PCDHGA11: variants seen among roughly 807,000 people sequenced by gnomAD.
The protein encoded by PCDHGA11 is protocadherin gamma-A11.
In PCDHGA11, 39 loss-of-function variants were observed where a neutral mutation model predicts 60.4. The observed-to-expected ratio is 0.65, with a 90% CI of 0.50 to 0.84. The LOEUF (loss-of-function observed/expected upper bound fraction) is 0.84. Among genes scored for constraint, PCDHGA11 ranks in the 40% least tolerant of loss-of-function variants. The pLI is 0.00. For synonymous variants in PCDHGA11, 533 were observed against 510.3 expected (o/e 1.04, Z -0.60); for missense variants, 1,165 against 1,197.7 (o/e 0.97, Z 0.40).
At chr5:141,473,033 G>GGAAA (rs1282468299) in intron 1 of PCDHGA11, among the ~76,000 whole-genome samples, 1 of 146,284 alleles carries the variant, frequency 6.8e-6, no homozygotes, top group African/African-American at 2.5e-5. Flanking sequence ...AAGGAAGGAA[G>GGAAA]GAAAGAAAGA....
rs1221295650 is a variant in PCDHGA11 at position 141,489,576 on chromosome 5, C to A, written c.2434-5231C>A. 3 of 1,613,936 alleles carry A rather than the reference C, an allele frequency of 1.9e-6. No individual in the cohort carries two copies. Among genetic ancestry groups the A allele is most frequent in the Non-Finnish European group, 2.5e-6 (3 of 1,179,984 alleles). ...TGCCAGTGCAGGTGGTGACTGAACA[C>A]CCCCTGGAGCTAATCCGTGTAGAGG... On this transcript the variant is annotated intron_variant, in intron 1 of 3. Transcript: ENST00000398587. This position sits in a 1 kb window ranked among gnomAD's most constrained non-coding sequence, Gnocchi z 4.5.
In PCDHGA11 at chr5:141,421,506, G is replaced by T; in HGVS notation, c.279G>T (p.Arg93=). The change falls in exon 1 of 4, where the codon CGG becomes CGT. Residue 93 remains arginine (R), a synonymous_variant. Coordinates refer to ENST00000398587, the MANE Select transcript of PCDHGA11 (RefSeq NM_018914.3). ...GSLITAGRID[R]EELCETVSSC... ...TGATCACGGCAGGCAGGATAGACCG[G>T]GAGGAGCTCTGTGAGACGGTGTCCT... The T allele has an allele frequency of 6.2e-7, 1 of 1,614,076 alleles. No homozygotes were observed. Among genetic ancestry groups the T allele is most frequent in the Non-Finnish European group, 8.5e-7 (1 of 1,179,910 alleles).
intron 1 of PCDHGA11, chr5:141,441,809 C>A: frequency 2.7e-6 from 1 of 373,176 alleles, no homozygotes; most frequent in East Asian, 9.0e-5. Context: ...GGGTGCTGTA[C>A]CCCAGCTCTG....
chr5:141,496,126 C>T (rs934132550), intron 2 of PCDHGA11, among the ~76,000 whole-genome samples: 2 of 152,062 alleles, frequency 1.3e-5, no homozygotes, highest in African/African-American at 4.8e-5. Context: ...CCCTGCCCCT[C>T]ACACACTGAG....
chr5:141,462,423 G>A (rs1367388191), intron 1 of PCDHGA11, among the ~76,000 whole-genome samples: 1 of 151,820 alleles, frequency 6.6e-6, no homozygotes, highest in East Asian at 1.9e-4. Context: ...GTCTATCTTG[G>A]TGAGTGTTGC....
At chr5:141,499,686 T>C (rs1400567357) in intron 2 of PCDHGA11, among the ~76,000 whole-genome samples, 2 of 149,346 alleles carry the variant, frequency 1.3e-5, no homozygotes, top group East Asian at 2.0e-4. Context: ...CTTTAACAGA[T>C]GACTTTTTTT....
At chr5:141,455,159 G>GT (rs1390145608) in intron 1 of PCDHGA11, among the ~76,000 whole-genome samples, 2,419 of 144,948 alleles carry the variant, frequency 0.017, 50 homozygotes, top group African/African-American at 0.056. Context: ...TTAGTTTGTT[G>GT]GTTTTTTTTT....
In PCDHGA11 at chr5:141,511,540, C is replaced by CTA; in HGVS notation, c.*367_*368insTA. ...ATCCCATGCCTCCCTCCTCCCCACC[C>CTA]CACTCCAACAGTTCCTCTTTCCCGA... On this transcript the variant is annotated 3_prime_UTR_variant, in exon 4 of 4. Transcript: ENST00000398587. 3.0e-6 allele frequency: 1 copy of CTA among 328,024 alleles called. No individual in the cohort carries two copies. Among genetic ancestry groups the CTA allele is most frequent in the South Asian group, 3.2e-5 (1 of 31,610 alleles). 20.3% of individuals were successfully genotyped at this position (328,024 alleles called of 1,614,324 possible). A position where few individuals can be genotyped will look rare whatever the true frequency, so the allele number is the denominator to read the frequency against.
At chr5:141,453,351 C>A (rs1210851703) in intron 1 of PCDHGA11, among the ~76,000 whole-genome samples, 2 of 151,738 alleles carry the variant, frequency 1.3e-5, no homozygotes, top group Non-Finnish European at 2.9e-5. Flanking sequence ...CCAGGCTGAC[C>A]CTGAACTCCT....
chr5:141,491,571 C>G lies in PCDHGA11; in HGVS notation c.2434-3236C>G. The G allele has an allele frequency of 6.2e-7, 1 of 1,614,026 alleles. No individual in the cohort carries two copies. The highest frequency in any genetic ancestry group is 8.5e-7 in the Non-Finnish European group (1 of 1,180,042). ...CGCAGAGCCACTGCTACAGGACGTG[C>G]TTTTCACCGGCCTCGGACGGCAGTG... On this transcript the variant is annotated intron_variant, in intron 1 of 3. Transcript: ENST00000398587. This position sits in a 1 kb window ranked among gnomAD's most constrained non-coding sequence, Gnocchi z 6.9.
Position 141,491,045 on chromosome 5 carries a change from A to G in PCDHGA11, c.2434-3762A>G, listed in dbSNP as rs1452139285. 2 of 1,613,970 alleles carry G rather than the reference A, an allele frequency of 1.2e-6. No individual in the cohort carries two copies. The highest frequency in any genetic ancestry group is 1.1e-5 in the South Asian group (1 of 91,090). On this transcript the variant is annotated intron_variant, in intron 1 of 3. Coordinates refer to ENST00000398587, the MANE Select transcript of PCDHGA11 (RefSeq NM_018914.3). This position sits in a 1 kb window ranked among gnomAD's most constrained non-coding sequence, Gnocchi z 6.9. ...GCCGTGGATGCTGATGCAGGCCACA[A>G]TGCGTGGCTCTCCTACTCACTGTTG...
chr5:141,446,692 G>T (rs543476108), intron 1 of PCDHGA11, among the ~76,000 whole-genome samples: 2 of 152,280 alleles, frequency 1.3e-5, no homozygotes, highest in African/African-American at 4.8e-5. Context: ...TGGCCAGGCT[G>T]GTCTCGAACT....
chr5:141,460,950 T>C (rs1458616371), intron 1 of PCDHGA11, among the ~76,000 whole-genome samples: 1 of 135,948 alleles, frequency 7.4e-6, no homozygotes, highest in East Asian at 2.0e-4. Flanking sequence ...ATATGTATTA[T>C]GTATATATAT....
At chr5:141,446,604 G>C (rs1226194089) in intron 1 of PCDHGA11, among the ~76,000 whole-genome samples, 1 of 152,134 alleles carries the variant, frequency 6.6e-6, no homozygotes, top group Non-Finnish European at 1.5e-5. Flanking sequence ...AGCCTCCTGA[G>C]TAGCTGGGAC....
intron 3 of PCDHGA11, among the ~76,000 whole-genome samples, chr5:141,508,837 A>C (rs1596180024): frequency 6.7e-6 from 1 of 149,276 alleles, no homozygotes; most frequent in Non-Finnish European, 1.5e-5. Context: ...CCCCTCCCCT[A>C]CCCCTTCCAT....
rs35224477 is a variant in PCDHGA11, at chr5:141,464,263, TA to T, written c.2434-30530del. On this transcript the variant is annotated intron_variant, in intron 1 of 3. Coordinates refer to ENST00000398587, the MANE Select transcript of PCDHGA11 (RefSeq NM_018914.3). ...CTGGGCTACAGAGCGAGACTCCGTC[TA>T]AAAAAAAAAAAAAGCAAAAAAAAAA... Among the ~76,000 whole-genome samples, 390 of 103,506 alleles carry T rather than the reference TA, an allele frequency of 3.8e-3. 1 individual carries two copies. Among genetic ancestry groups the T allele is most frequent in the Admixed American group, 4.7e-3 (45 of 9,486 alleles). 67.9% of individuals were successfully genotyped at this position (103,506 alleles called of 152,430 possible). A position where few individuals can be genotyped will look rare whatever the true frequency, so the allele number is the denominator to read the frequency against.
chr5:141,496,888 T>TAAA (rs35063790), intron 2 of PCDHGA11, among the ~76,000 whole-genome samples: 5 of 134,118 alleles, frequency 3.7e-5, no homozygotes, highest in East Asian at 4.4e-4. Context: ...AAGTAACACT[T>TAAA]AAAAAAAAAA....
Position 141,511,380 on chromosome 5 carries a change from C to T in PCDHGA11, c.*207C>T, listed in dbSNP as rs896762148. 1.5e-5 allele frequency: 18 copies of T among 1,170,372 alleles called. No homozygotes were observed. The highest frequency in any genetic ancestry group is 3.0e-4 in the Middle Eastern group (1 of 3,384). 72.5% of individuals were successfully genotyped at this position (1,170,372 alleles called of 1,614,324 possible). ...GGGGTTGAATATGCAAAAGCAGTTC[C>T]GCTGGGAACCCCCATCCAATCAACT... is the stretch of plus-strand genomic sequence containing the variant. On this transcript the variant is annotated 3_prime_UTR_variant, in exon 4 of 4. Coordinates refer to ENST00000398587, the MANE Select transcript of PCDHGA11 (RefSeq NM_018914.3).
chr5:141,491,006 T>C lies in PCDHGA11; in HGVS notation c.2434-3801T>C. The C allele has an allele frequency of 6.2e-7, 1 of 1,614,062 alleles. No homozygotes were observed. Among genetic ancestry groups the C allele is most frequent in the Non-Finnish European group, 8.5e-7 (1 of 1,180,028 alleles). ...CGCTCTGCTCCTCCTGGCTCCTTGG[T>C]CACCAAGGTGACAGCCGTGGATGCT... On this transcript the variant is annotated intron_variant, in intron 1 of 3. Transcript: ENST00000398587. This position sits in a 1 kb window ranked among gnomAD's most constrained non-coding sequence, Gnocchi z 6.9.
Sources: gnomAD v4.1 joint callset for allele counts (sites outside exome capture counted in the v4.1 genomes callset) on GRCh38, gnomAD v4.1.1 for gene constraint, Gnocchi (gnomAD v3.1) non-coding constraint, MANE v1.5 for transcripts, NCBI Gene and HGNC (gene_info 2026-07-23, HGNC 2026-07-21) for gene names.